NFIB: variants seen among roughly 807,000 people sequenced by gnomAD.
NFIB encodes nuclear factor 1 B-type.
Under a neutral mutation model 61.5 loss-of-function variants are expected in NFIB, and 11 were observed. The ratio of observed to expected loss-of-function variants is 0.18; its 90% CI spans 0.11 to 0.30. NFIB has a LOEUF of 0.30. Ranked by LOEUF, NFIB falls within the 10% of genes least tolerant of loss-of-function variation. The probability of loss-of-function intolerance (pLI) is 1.00; values close to 1 mark genes in which losing one functional copy is unlikely to be tolerated. For missense variants in NFIB, 471 were observed against 608.9 expected, an observed-to-expected ratio of 0.77 and a Z score of 2.38; for synonymous variants, 260 against 216.5, an observed-to-expected ratio of 1.20 and a Z score of -1.76.
the NFIB span, among the ~76,000 whole-genome samples, chr9:14,416,232 A>G: frequency 6.6e-6 from 1 of 152,214 alleles, no homozygotes; most frequent in African/African-American, 2.4e-5. Flanking sequence ...AAAAAGTCCT[A>G]TCACTTAGTA....
intron 2 of NFIB, among the ~76,000 whole-genome samples, chr9:14,251,889 CTTATA>C (rs983350817): frequency 9.2e-5 from 14 of 152,282 alleles, no homozygotes; most frequent in African/African-American, 3.1e-4. Context: ...TTGGCTTTCA[CTTATA>C]TTATATTACT....
In NFIB at chr9:14,364,851, A is replaced by G. The variant is rs145032495; in HGVS notation, c.108+33673T>C. ...ACATTATCAAACTCTGCTCCACATA[A>G]AGCCTCAGGGTTGCTTCAGAGAGAT... is the stretch of plus-strand genomic sequence containing the variant. On this transcript the variant is annotated intron_variant, in intron 1 of 8. Transcript: ENST00000380934. Among the ~76,000 whole-genome samples the G allele has an allele frequency of 3.5e-3, 537 of 152,278 alleles. 3 individuals are homozygous for G. The highest frequency in any genetic ancestry group is 0.01 in the Middle Eastern group (3 of 294).
rs143902291 is a variant in NFIB, at chr9:14,087,151, C to A, written c.*1158G>T. The A allele has an allele frequency of 9.1e-4, 184 of 201,284 alleles. No individual in the cohort carries two copies. Among genetic ancestry groups the A allele is most frequent in the Non-Finnish European group, 1.4e-3 (133 of 97,368 alleles). The allele number at this position is 201,284 out of a possible 1,614,324, so 12.5% of individuals were successfully genotyped here. A position where few individuals can be genotyped will look rare whatever the true frequency, so the allele number is the denominator to read the frequency against. On this transcript the variant is annotated 3_prime_UTR_variant, in exon 11 of 11. Coordinates refer to ENST00000380953, the MANE Select transcript of NFIB (RefSeq NM_001190737.2). The stretch of plus-strand genomic sequence containing the variant: ...CAGATTTTATAGAACCTTTTGTACA[C>A]CCTATGGGTTCTTGATGCAACCAGT...
chr9:14,323,901 GATA>G (rs2060720198), intron 1 of NFIB, among the ~76,000 whole-genome samples: 1 of 152,174 alleles, frequency 6.6e-6, no homozygotes, highest in Non-Finnish European at 1.5e-5. Context: ...TATTTTCAGT[GATA>G]ATAAGTGCAA....
chr9:14,509,404 T>G, the NFIB span, among the ~76,000 whole-genome samples: 2 of 152,204 alleles, frequency 1.3e-5, no homozygotes, highest in African/African-American at 4.8e-5. Context: ...ACCATACCAT[T>G]CCTTGCTACT....
chr9:14,187,887 TAAACCTGCCAACATCTCTGACCAGA>T (rs1422364830), intron 2 of NFIB, among the ~76,000 whole-genome samples: 2 of 152,196 alleles, frequency 1.3e-5, no homozygotes, highest in Non-Finnish European at 2.9e-5. Flanking sequence ...CAAAAAGTGT[TAAACCTGCCAACATCTCTGACCAGA>T]GGGCTGTGGT....
At chr9:14,449,960 T>A in the NFIB span, among the ~76,000 whole-genome samples, 1 of 151,976 alleles carries the variant, frequency 6.6e-6, no homozygotes, top group East Asian at 1.9e-4. Context: ...AATAAATAAA[T>A]AAAATTTTTT....
chr9:14,250,360 T>A (rs1364254911), intron 2 of NFIB, among the ~76,000 whole-genome samples: 1 of 152,220 alleles, frequency 6.6e-6, no homozygotes, highest in East Asian at 1.9e-4. Context: ...AGAGAAATTG[T>A]ACCATTTCTC....
At chr9:14,153,289 G>A (rs1239870040) in intron 4 of NFIB, among the ~76,000 whole-genome samples, 2 of 152,004 alleles carry the variant, frequency 1.3e-5, no homozygotes, top group Admixed American at 1.3e-4. Flanking sequence ...TAACAAACAC[G>A]GCCAAAGTAC....
the NFIB span, among the ~76,000 whole-genome samples, chr9:14,530,543 G>A: frequency 7.9e-5 from 12 of 152,216 alleles, no homozygotes; most frequent in East Asian, 9.7e-4. Context: ...TCACATTAAC[G>A]AGAAAGGGTG....
the NFIB span, among the ~76,000 whole-genome samples, chr9:14,415,451 A>G: frequency 6.6e-6 from 1 of 152,232 alleles, no homozygotes; most frequent in African/African-American, 2.4e-5. Flanking sequence ...ATCAACTAGA[A>G]ACAAGTCACA....
intron 1 of NFIB, among the ~76,000 whole-genome samples, chr9:14,352,673 G>A (rs541075501): frequency 7.9e-5 from 12 of 152,360 alleles, no homozygotes; most frequent in African/African-American, 2.9e-4. Context: ...CTGGTCCTGA[G>A]GCAAGCCTCT....
At chr9:14,347,709 A>G (rs1451729856) in intron 1 of NFIB, among the ~76,000 whole-genome samples, 1 of 152,092 alleles carries the variant, frequency 6.6e-6, no homozygotes, top group Admixed American at 6.5e-5. Flanking sequence ...TGCGGAGTGT[A>G]AAAGACATTT....
At chr9:14,432,765 G>A in the NFIB span, among the ~76,000 whole-genome samples, 1 of 152,320 alleles carries the variant, frequency 6.6e-6, no homozygotes, top group African/African-American at 2.4e-5. Flanking sequence ...AGTCTTGAAA[G>A]TGGGTATTGA....
At chr9:14,417,569 A>G in the NFIB span, among the ~76,000 whole-genome samples, 1 of 152,226 alleles carries the variant, frequency 6.6e-6, no homozygotes, top group Non-Finnish European at 1.5e-5. Context: ...TGCTCAGCAC[A>G]TGGTAACACC....
At chr9:14,365,148 T>C (rs1393475379) in intron 1 of NFIB, among the ~76,000 whole-genome samples, 1 of 152,230 alleles carries the variant, frequency 6.6e-6, no homozygotes, top group African/African-American at 2.4e-5. Flanking sequence ...TTAGTAAATG[T>C]TGGCTATTTT....
chr9:14,207,554 G>C (rs1329040181), intron 2 of NFIB, among the ~76,000 whole-genome samples: 1 of 152,162 alleles, frequency 6.6e-6, no homozygotes, highest in African/African-American at 2.4e-5. Flanking sequence ...GGCCAGCTCG[G>C]CATGAGCAGC....
At chr9:14,296,494 A>G (rs900163613) in intron 2 of NFIB, among the ~76,000 whole-genome samples, 4 of 152,174 alleles carry the variant, frequency 2.6e-5, no homozygotes, top group African/African-American at 9.7e-5. Flanking sequence ...CTAACCCCCA[A>G]TCTGATGGTA....
chr9:14,306,949 G>T (rs187588035), intron 2 of NFIB, 40 bp downstream of exon 2: 1 of 1,602,086 alleles, frequency 6.2e-7, no homozygotes. Flanking sequence ...ATTTGTAGGC[G>T]GTGTTTGCCG....
Sources: gnomAD v4.1 joint callset for allele counts (sites outside exome capture counted in the v4.1 genomes callset) on GRCh38, gnomAD v4.1.1 for gene constraint, MANE v1.5 for transcripts, NCBI Gene and HGNC (gene_info 2026-07-23, HGNC 2026-07-21) for gene names.